Variants in TRIM6 observed in about 807,000 individuals in gnomAD.
The protein encoded by TRIM6 is tripartite motif containing 6.
Under a neutral mutation model 51.2 loss-of-function variants are expected in TRIM6, and 43 were observed. That is an observed-to-expected ratio of 0.84 (90% CI 0.66 to 1.08). TRIM6 has a LOEUF of 1.08. TRIM6 is among the 50% of genes least tolerant of loss of function. The pLI, the probability that TRIM6 is intolerant of heterozygous loss-of-function variation, is 0.00. For synonymous variants in TRIM6, 215 were observed against 232.4 expected, an observed-to-expected ratio of 0.93 and a Z score of 0.68; for missense variants, 669 against 619.0, an observed-to-expected ratio of 1.08 and a Z score of -0.86.
chr11:5,603,410 G>A lies in TRIM6; in HGVS notation c.182G>A (p.Ser61Asn). The change falls in exon 2 of 8, where the codon AGC becomes AAC. Residue 61 changes from serine (S) to asparagine (N), a missense_variant. Ser to Asn is a conservative substitution (Grantham distance 46). Transcript: ENST00000380097. Reference sequence around the variant, plus strand: ...CCCCTGAGCATAGACTGTGGCCACAGCTTCTGCCAAGCCTGCATCACACCA... The same window carrying A: ...CCCCTGAGCATAGACTGTGGCCACAACTTCTGCCAAGCCTGCATCACACCA... ...TEPLSIDCGH[S>N]FCQACITPNG... The A allele has an allele frequency of 6.2e-7, 1 of 1,614,098 alleles. No homozygotes were observed. Among genetic ancestry groups the A allele is most frequent in the Admixed American group, 1.7e-5 (1 of 60,006 alleles).
At chr11:5,610,388 T>C (rs759754867) in intron 6 of TRIM6, 143 bp downstream of exon 6, 12 of 1,568,484 alleles carry the variant, frequency 7.7e-6, no homozygotes, top group Non-Finnish European at 1.0e-5. Context: ...CTGAAGAAGA[T>C]GCGGTTTGTA....
At chr11:5,597,807 C>G (rs969217181) in intron 1 of TRIM6, among the ~76,000 whole-genome samples, 4 of 152,140 alleles carry the variant, frequency 2.6e-5, no homozygotes, top group African/African-American at 9.7e-5. Flanking sequence ...TTCTCTGTCC[C>G]CCTCCCTCTT....
chr11:5,603,276 C>A lies in TRIM6; in HGVS notation c.48C>A (p.Ile16=), dbSNP rs61758094. ...RILQAGNILE[I]RVGQAGARRV... ...TACAGGCAGGAAACATCTTAGAAAT[C>A]AGGGTTGGGCAGGCAGGAGCCAGGA... is the stretch of plus-strand genomic sequence containing the variant. The change falls in exon 2 of 8, where the codon ATC becomes ATA. Residue 16 remains isoleucine (I), a synonymous_variant. Transcript: ENST00000380097. 2,018 of 1,613,886 alleles carry A rather than the reference C, an allele frequency of 1.3e-3. 35 individuals carry two copies. In the South Asian group the frequency reaches 0.021, roughly 16 times the overall value.
Position 5,596,676 on chromosome 11 carries a change from C to T in TRIM6, c.-222C>T. ...GATGAGCCTTCCGCAAACTCCTGAC[C>T]TGTGGGTCCGTCCGTTCAACGGCCA... is the stretch of plus-strand genomic sequence containing the variant. On this transcript the variant is annotated 5_prime_UTR_variant, in exon 1 of 8. Transcript: ENST00000380097. The T allele has an allele frequency of 1.5e-6, 1 of 645,646 alleles. No individual in the cohort carries two copies. The highest frequency in any genetic ancestry group is 2.6e-6 in the Non-Finnish European group (1 of 382,512). The allele number at this position is 645,646 out of a possible 1,614,324, so 40.0% of individuals were successfully genotyped here.
chr11:5,604,450 G>T, intron 2 of TRIM6, 84 bp from the exon 3 acceptor site: 2 of 1,433,472 alleles, frequency 1.4e-6, no homozygotes, highest in South Asian at 1.6e-5. Context: ...GAGGTTAGCA[G>T]AATCTCTGTC....
intron 4 of TRIM6, among the ~76,000 whole-genome samples, chr11:5,607,522 T>C (rs965621368): frequency 6.6e-6 from 1 of 152,096 alleles, no homozygotes; most frequent in Non-Finnish European, 1.5e-5. Context: ...CATTGAGATG[T>C]ATGGAGCACA....
chr11:5,611,415 TTCTG>T lies in TRIM6; in HGVS notation c.*75_*78del. On this transcript the variant is annotated 3_prime_UTR_variant, in exon 8 of 8. Coordinates refer to ENST00000380097, the MANE Select transcript of TRIM6 (RefSeq NM_001003818.3). ...CAGCATGTGATTCTCCCTTCTGATC[TTCTG>T]TTTTTCTGTGTTCTCAATTCTTTTG... 8.3e-7 allele frequency: 1 copy of T among 1,200,106 alleles called. No homozygotes were observed. The highest frequency in any genetic ancestry group is 1.2e-6 in the Non-Finnish European group (1 of 844,242). The allele number at this position is 1,200,106 out of a possible 1,614,324, so 74.3% of individuals were successfully genotyped here.
Position 5,611,252 on chromosome 11 carries a change from C to G in TRIM6, c.1461C>G (p.Phe487Leu), listed in dbSNP as rs746897134. ...VTNHGFPIYT[F>L]SKYYFPTTLC... ...ACCATGGCTTCCCCATCTACACTTT[C>G]TCTAAATATTACTTTCCCACTACTC... Residue 487 changes from phenylalanine (F) to leucine (L), a missense_variant, in exon 8 of 8, where the codon TTC becomes TTG. Coordinates refer to ENST00000380097, the MANE Select transcript of TRIM6 (RefSeq NM_001003818.3). 6.2e-7 allele frequency: 1 copy of G among 1,614,068 alleles called. No individual in the cohort carries two copies. The highest frequency in any genetic ancestry group is 8.5e-7 in the Non-Finnish European group (1 of 1,179,942).
intron 4 of TRIM6, 95 bp downstream of exon 4, chr11:5,605,662 G>T (rs370829342): frequency 7.0e-7 from 1 of 1,422,706 alleles, no homozygotes. Context: ...TCGTTGCAGG[G>T]ACAAGAGAAA....
Position 5,596,746 on chromosome 11 carries a change from G to A in TRIM6, c.-152G>A. The A allele has an allele frequency of 8.3e-7, 1 of 1,211,876 alleles. No individual in the cohort carries two copies. The highest frequency in any genetic ancestry group is 1.3e-5 in the South Asian group (1 of 78,882). 75.1% of individuals were successfully genotyped at this position (1,211,876 alleles called of 1,614,324 possible). A position where few individuals can be genotyped will look rare whatever the true frequency, so the allele number is the denominator to read the frequency against. ...TCCCCTGCCTTTCTCGGAACGGAACGGAGCAGAGTCGTGCGTGGTTGAGTT... is the reference window on the plus strand; with the variant it reads ...TCCCCTGCCTTTCTCGGAACGGAACAGAGCAGAGTCGTGCGTGGTTGAGTT... On this transcript the variant is annotated 5_prime_UTR_variant, in exon 1 of 8. Transcript: ENST00000380097.
chr11:5,604,402 T>C, intron 2 of TRIM6, 132 bp from the exon 3 acceptor site: 1 of 945,838 alleles, frequency 1.1e-6, no homozygotes, highest in Non-Finnish European at 1.5e-6. Flanking sequence ...TTGTTGGCCC[T>C]CTCAAGTTTT....
At chr11:5,609,267 G>A (rs1273297549) in intron 5 of TRIM6, among the ~76,000 whole-genome samples, 2 of 152,068 alleles carry the variant, frequency 1.3e-5, no homozygotes, top group Admixed American at 6.6e-5. Flanking sequence ...TGTACTCTCC[G>A]TTTGGAGGTG....
At chr11:5,600,417 C>T (rs548325675) in intron 1 of TRIM6, among the ~76,000 whole-genome samples, 9 of 152,240 alleles carry the variant, frequency 5.9e-5, no homozygotes, top group African/African-American at 2.2e-4. Flanking sequence ...AGCTGAAGAG[C>T]CAGGCTAGTA....
In TRIM6 at chr11:5,610,664, C is replaced by T. The variant is rs564458326; in HGVS notation, c.985+103C>T. On this transcript the variant is annotated intron_variant, in intron 7 of 7. Coordinates refer to ENST00000380097, the MANE Select transcript of TRIM6 (RefSeq NM_001003818.3). ...AGATCCTAGGTGTTGATGCCTCCCC[C>T]ATCCCCGCCATATAGTTCCAGTTCC... is the stretch of plus-strand genomic sequence containing the variant. The T allele has an allele frequency of 1.3e-5, 20 of 1,564,092 alleles. No homozygotes were observed. In the African/African-American group the frequency reaches 2.6e-4, roughly 20 times the overall value.
intron 5 of TRIM6, among the ~76,000 whole-genome samples, chr11:5,609,497 CT>C (rs35442466): frequency 6.6e-6 from 1 of 152,084 alleles, no homozygotes; most frequent in Non-Finnish European, 1.5e-5. Context: ...TATTTTATAT[CT>C]TTTTTTAGAG....
chr11:5,608,686 G>A (rs1213306814), intron 5 of TRIM6, among the ~76,000 whole-genome samples: 1 of 151,616 alleles, frequency 6.6e-6, no homozygotes, highest in Non-Finnish European at 1.5e-5. Flanking sequence ...GGGAGACTCT[G>A]CCTCAAACAA....
At chr11:5,599,383 ATATTTATTTATT>A (rs60859015) in intron 1 of TRIM6, among the ~76,000 whole-genome samples, 16 of 146,936 alleles carry the variant, frequency 1.1e-4, no homozygotes, top group East Asian at 2.0e-4. Flanking sequence ...TACAATTATT[ATATTTATTTATT>A]TATTTATTTA....
rs369364630 is a variant in TRIM6 at position 5,603,492 on chromosome 11, G to A, written c.264G>A (p.Gln88=). The stretch of plus-strand genomic sequence containing the variant: ...GGGAAAGAAGCTGCCCTGTGTGCCA[G>A]ACCAGCTACCAGCCAGGGAACCTGC... The part of the protein sequence containing the change: ...QEGERSCPVC[Q]TSYQPGNLRP... The change falls in exon 2 of 8, where the codon CAG becomes CAA. Residue 88 remains glutamine, a synonymous_variant. Transcript: ENST00000380097. The A allele has an allele frequency of 6.2e-7, 1 of 1,614,148 alleles. No homozygotes were observed. Among genetic ancestry groups the A allele is most frequent in the Non-Finnish European group, 8.5e-7 (1 of 1,180,042 alleles).
chr11:5,607,681 A>G (rs1848308803), intron 4 of TRIM6, among the ~76,000 whole-genome samples: 1 of 152,202 alleles, frequency 6.6e-6, no homozygotes, highest in African/African-American at 2.4e-5. Flanking sequence ...CAGGGTGAAT[A>G]TATGGTAGTT....
Sources: gnomAD v4.1 joint callset for allele counts (sites outside exome capture counted in the v4.1 genomes callset) on GRCh38, gnomAD v4.1.1 for gene constraint, MANE v1.5 for transcripts, NCBI Gene and HGNC (gene_info 2026-07-23, HGNC 2026-07-21) for gene names.